The following NDUFV1 variants were observed in gnomAD, a reference collection of about 807,000 sequenced individuals.
The protein encoded by NDUFV1 is NADH:ubiquinone oxidoreductase core subunit V1.
In NDUFV1, 41 loss-of-function variants were observed where a neutral mutation model predicts 48.7. That is an observed-to-expected ratio of 0.84 (90% CI 0.66 to 1.09). The LOEUF is 1.09. NDUFV1 is among the 50% of genes least tolerant of loss of function. The probability of loss-of-function intolerance (pLI) is 0.00; values close to 1 mark genes in which losing one functional copy is unlikely to be tolerated. For missense variants in NDUFV1, 580 were observed against 645.4 expected, an observed-to-expected ratio of 0.90 and a Z score of 1.10; for synonymous variants, 231 against 259.1, an observed-to-expected ratio of 0.89 and a Z score of 1.04.
chr11:67,608,449 C>T lies in NDUFV1; in HGVS notation c.126C>T (p.Phe42=), dbSNP rs780184203. The part of the protein sequence containing the change: ...FGSLKDEDRI[F]TNLYGRHDWR... The stretch of plus-strand genomic sequence containing the variant: ...CGCTGAAGGATGAAGACCGGATTTT[C>T]ACCAACCTGTACGGCCGCCATGACT... The change falls in exon 2 of 10, where the codon TTC becomes TTT. Residue 42 remains phenylalanine, a synonymous_variant. Coordinates refer to ENST00000322776, the MANE Select transcript of NDUFV1 (RefSeq NM_007103.4). 3 of 1,614,048 alleles carry T rather than the reference C, an allele frequency of 1.9e-6. No homozygotes were observed. Among genetic ancestry groups the T allele is most frequent in the Non-Finnish European group, 2.5e-6 (3 of 1,180,032 alleles).
chr11:67,607,683 G>A (rs1055289910), intron 1 of NDUFV1: 3 of 354,544 alleles, frequency 8.5e-6, no homozygotes, highest in Non-Finnish European at 1.7e-5. Context: ...GCCGGGAAAG[G>A]GCCAAGCTGC....
chr11:67,609,043 G>A (rs996234455), intron 3 of NDUFV1, among the ~76,000 whole-genome samples: 9 of 152,168 alleles, frequency 5.9e-5, no homozygotes, highest in Non-Finnish European at 1.2e-4. Flanking sequence ...TATCATGCAA[G>A]GATTAAAGAG....
At chr11:67,608,786 C>T in intron 3 of NDUFV1, 64 bp downstream of exon 3, 1 of 1,603,354 alleles carries the variant, frequency 6.2e-7, no homozygotes. Flanking sequence ...CTGGGGTTTC[C>T]CTGGGCCTTT....
In NDUFV1 at chr11:67,611,555, G is replaced by A. The variant is rs368843130; in HGVS notation, c.1066G>A (p.Val356Ile). Residue 356 changes from valine (V) to isoleucine (I), a missense_variant, in exon 7 of 10, where the codon GTC (valine) becomes ATC (isoleucine). Transcript: ENST00000322776. This position sits in a 1 kb window ranked among gnomAD's most constrained non-coding sequence, Gnocchi z 4.2. ...AGGCCTGGGCACAGCTGCGGTGATCGTCATGGACCGCTCGGTAAGGGTTCA... is the reference window on the plus strand; with the variant it reads ...AGGCCTGGGCACAGCTGCGGTGATCATCATGGACCGCTCGGTAAGGGTTCA... ...QTGLGTAAVI[V>I]MDRSTDIVKA... 8 of 1,606,702 alleles carry A rather than the reference G, an allele frequency of 5.0e-6. No homozygotes were observed. Among genetic ancestry groups the A allele is most frequent in the African/African-American group, 1.3e-5 (1 of 74,852 alleles).
chr11:67,608,531 T>G, intron 2 of NDUFV1, 21 bp from the exon 3 acceptor site: 1 of 1,614,188 alleles, frequency 6.2e-7, no homozygotes. Context: ...TCCCCTTCAT[T>G]GCCTTCCCTA....
chr11:67,607,155 G>C, intron 1 of NDUFV1, 79 bp downstream of exon 1: 1 of 1,442,280 alleles, frequency 6.9e-7, no homozygotes, highest in Non-Finnish European at 9.5e-7. Flanking sequence ...CAGTCCCTGG[G>C]GTCTGTAGTG....
chr11:67,610,599 C>G (rs1032618256), intron 5 of NDUFV1, 29 bp downstream of exon 5: 7 of 1,611,784 alleles, frequency 4.3e-6, no homozygotes, highest in Non-Finnish European at 5.9e-6. Context: ...CTGGGTCAGA[C>G]TGTGTCCTGT....
In NDUFV1 at chr11:67,608,515, A is replaced by G. The variant is rs1388368755; in HGVS notation, c.155+37A>G. 4 of 1,614,186 alleles carry G rather than the reference A, an allele frequency of 2.5e-6. No individual in the cohort carries two copies. The East Asian group carries it at 6.7e-5, about 27-fold the overall frequency. On this transcript the variant is annotated intron_variant, in intron 2 of 9. Transcript: ENST00000322776. ...CCCTTAGTGTGTTGGGTCCCGGAGC[A>G]AGGTGTCCCCTTCATTGCCTTCCCT...
chr11:67,608,303 TCCTAAATAGGGAGA>T (rs1854847592), intron 1 of NDUFV1, 79 bp from the exon 2 acceptor site: 1 of 1,219,722 alleles, frequency 8.2e-7, no homozygotes, highest in South Asian at 1.2e-5. Flanking sequence ...GCCCAGCCCC[TCCTAAATAGGGAGA>T]CCCAAGATTC....
At chr11:67,607,466 A>G in intron 1 of NDUFV1, 1 of 480,486 alleles carries the variant, frequency 2.1e-6, no homozygotes, top group Non-Finnish European at 4.1e-6. Context: ...AAGTGCTCTT[A>G]AAAGGATGGG....
rs565350247 is a variant in NDUFV1, at chr11:67,607,139, C to T, written c.72+63C>T. On this transcript the variant is annotated intron_variant, in intron 1 of 9. Coordinates refer to ENST00000322776, the MANE Select transcript of NDUFV1 (RefSeq NM_007103.4). ...GCCGGGTGTCGCGGCCGCGCCCGTG[C>T]ACGAGCAGTCCCTGGGGTCTGTAGT... is the stretch of plus-strand genomic sequence containing the variant. The T allele has an allele frequency of 4.6e-6, 7 of 1,524,646 alleles. No homozygotes were observed. In the African/African-American group the frequency reaches 9.5e-5, roughly 21 times the overall value. The allele number at this position is 1,524,646 out of a possible 1,614,324, so 94.4% of individuals were successfully genotyped here.
chr11:67,608,869 C>A, intron 3 of NDUFV1, 147 bp downstream of exon 3: 1 of 1,092,930 alleles, frequency 9.1e-7, no homozygotes, highest in Non-Finnish European at 1.3e-6. Context: ...ATGGGACTTA[C>A]TCTGTGGACT....
At chr11:67,610,288 G>A (rs934932250) in intron 4 of NDUFV1, 93 bp from the exon 5 acceptor site, 7 of 1,445,978 alleles carry the variant, frequency 4.8e-6, no homozygotes, top group African/African-American at 4.2e-5. Flanking sequence ...GAGCTTCACC[G>A]TGGGAGGCCT....
At chr11:67,607,201 A>C (rs1213923351) in intron 1 of NDUFV1, 125 bp downstream of exon 1, 1 of 1,104,610 alleles carries the variant, frequency 9.1e-7, no homozygotes. Flanking sequence ...GCCAGGCGGG[A>C]AGGCCCCCGC....
Position 67,611,426 on chromosome 11 carries a change from A to T in NDUFV1, c.937A>T (p.Asn313Tyr). The change falls in exon 7 of 10, where the codon AAC becomes TAC. Residue 313 changes from asparagine to tyrosine, a missense_variant. By Grantham distance (143) the Asn-to-Tyr change is moderately radical. Coordinates refer to ENST00000322776, the MANE Select transcript of NDUFV1 (RefSeq NM_007103.4). The surrounding 1 kb of genome is among the most constrained non-coding windows in gnomAD (Gnocchi z 4.2). ...AGGGGGTGTCACGGGCGGCTGGGAC[A>T]ACCTCCTTGCTGTGATCCCTGGCGG... is the stretch of plus-strand genomic sequence containing the variant. ...HAGGVTGGWD[N>Y]LLAVIPGGSS... 1 of 1,614,010 alleles carries T rather than the reference A, an allele frequency of 6.2e-7. No homozygotes were observed. The highest frequency in any genetic ancestry group is 8.5e-7 in the Non-Finnish European group (1 of 1,180,004).
At chr11:67,610,254 A>C in intron 4 of NDUFV1, 127 bp from the exon 5 acceptor site, 1 of 1,133,564 alleles carries the variant, frequency 8.8e-7, no homozygotes, top group South Asian at 1.3e-5. Flanking sequence ...AAGCTAGCAA[A>C]ATTTTTTATA....
Position 67,611,289 on chromosome 11 carries a change from C to T in NDUFV1, c.913+82C>T, listed in dbSNP as rs912966998. The T allele has an allele frequency of 1.5e-5, 24 of 1,593,922 alleles. No individual in the cohort carries two copies. The highest frequency in any genetic ancestry group is 2.2e-5 in the East Asian group (1 of 44,634). The stretch of plus-strand genomic sequence containing the variant: ...CAAAGAGAGCCTGGGCGGGAGGGCT[C>T]AGGAGACGGGGCTGGGTCTAGGGGC... On this transcript the variant is annotated intron_variant, in intron 6 of 9. Coordinates refer to ENST00000322776, the MANE Select transcript of NDUFV1 (RefSeq NM_007103.4). This position sits in a 1 kb window ranked among gnomAD's most constrained non-coding sequence, Gnocchi z 4.2.
In NDUFV1 at chr11:67,612,099, C is replaced by G. The variant is rs755847058; in HGVS notation, c.1163-21C>G. ...CTGGCTGGGGAGATCATCAGGCCCT[C>G]TCTTGTGGCTGTGGCTGCAGGTGTG... On this transcript the variant is annotated intron_variant, in intron 8 of 9. Transcript: ENST00000322776. The surrounding 1 kb of genome is among the most constrained non-coding windows in gnomAD (Gnocchi z 4.4). 1 of 1,613,490 alleles carries G rather than the reference C, an allele frequency of 6.2e-7. No individual in the cohort carries two copies. The highest frequency in any genetic ancestry group is 1.3e-5 in the African/African-American group (1 of 74,612).
Position 67,612,253 on chromosome 11 carries a change from C to G in NDUFV1, c.1296C>G (p.Ala432=). The change falls in exon 9 of 10, where the codon GCC becomes GCG. Residue 432 remains alanine (A), a synonymous_variant. Coordinates refer to ENST00000322776, the MANE Select transcript of NDUFV1 (RefSeq NM_007103.4). The surrounding 1 kb of genome is among the most constrained non-coding windows in gnomAD (Gnocchi z 4.4). ...HTICALGDGA[A]WPVQGLIRHF... ...TTTGTGCTCTGGGTGACGGGGCCGC[C>G]TGGCCTGTGCAGGTATTCACCACCC... The G allele has an allele frequency of 6.2e-7, 1 of 1,613,926 alleles. No homozygotes were observed.
Sources: allele counts gnomAD v4.1 joint callset (sites outside exome capture counted in the v4.1 genomes callset), GRCh38; gene constraint gnomAD v4.1.1; non-coding constraint Gnocchi (gnomAD v3.1); transcripts MANE v1.5; gene names NCBI Gene and HGNC (gene_info 2026-07-23, HGNC 2026-07-21).